THOC5: variants seen among roughly 807,000 people sequenced by gnomAD.
THOC5 encodes THO complex subunit 5, also known as Fms-interacting protein.
THOC5 carries 43 observed loss-of-function variants against 92.9 expected under a neutral mutation model. The observed-to-expected ratio is 0.46, with a 90% CI of 0.36 to 0.60. The LOEUF is 0.60. THOC5 is among the 20% of genes least tolerant of loss of function. THOC5 has a pLI of 0.00. For synonymous variants in THOC5, 296 were observed against 320.1 expected (o/e 0.92, Z 0.80); for missense variants, 659 against 849.4 (o/e 0.78, Z 2.79).
At chr22:29,538,411 A>T (rs750864778) in intron 6 of THOC5, among the ~76,000 whole-genome samples, 1 of 152,234 alleles carries the variant, frequency 6.6e-6, no homozygotes, top group Non-Finnish European at 1.5e-5. Flanking sequence ...GTGTTTACAA[A>T]GCTTTCTGCC....
At chr22:29,518,139 TTC>T (rs2063368435) in intron 15 of THOC5, among the ~76,000 whole-genome samples, 1 of 152,218 alleles carries the variant, frequency 6.6e-6, no homozygotes, top group African/African-American at 2.4e-5. Context: ...GTTCAAGCAA[TTC>T]TCCTGCTTCA....
At chr22:29,521,479 G>C (rs1391737636) in intron 12 of THOC5, among the ~76,000 whole-genome samples, 1 of 152,074 alleles carries the variant, frequency 6.6e-6, no homozygotes, top group Non-Finnish European at 1.5e-5. Flanking sequence ...TACCTCAGGG[G>C]AGCAAAGTCC....
intron 7 of THOC5, among the ~76,000 whole-genome samples, chr22:29,532,454 G>C (rs1250896511): frequency 6.8e-6 from 1 of 146,816 alleles, no homozygotes; most frequent in Non-Finnish European, 1.5e-5. Context: ...ACCTGAGGTC[G>C]GGAGATCAAG....
At chr22:29,524,594 G>A (rs1569216340) in intron 12 of THOC5, among the ~76,000 whole-genome samples, 1 of 152,180 alleles carries the variant, frequency 6.6e-6, no homozygotes, top group South Asian at 2.1e-4. Flanking sequence ...TGAACTGAGA[G>A]CCCTGGACAG....
chr22:29,543,092 C>G, intron 4 of THOC5, 136 bp from the exon 5 acceptor site: 1 of 648,516 alleles, frequency 1.5e-6, no homozygotes, highest in South Asian at 1.9e-5. Context: ...GCCTGTAATC[C>G]CAGCACTTTG....
In THOC5 at chr22:29,517,286, T is replaced by A; in HGVS notation, c.1570A>T (p.Thr524Ser). The A allele has an allele frequency of 6.2e-7, 1 of 1,614,184 alleles. No homozygotes were observed. The change falls in exon 16 of 20, where the codon ACA (threonine) becomes TCA (serine). Residue 524 changes from threonine to serine, a missense_variant. Physicochemically the swap from Thr to Ser is moderately conservative, Grantham distance 58. Coordinates refer to ENST00000490103, the MANE Select transcript of THOC5 (RefSeq NM_003678.5). ...KVVSRLVKWV[T>S]VAHEDYMELH... Reference sequence around the variant, plus strand: ...ACCATGTAATCCTCATGGGCAACTGTCACCCATTTCACCAGGCGAGAGACA... The same window carrying A: ...ACCATGTAATCCTCATGGGCAACTGACACCCATTTCACCAGGCGAGAGACA...
rs200906350 is a variant in THOC5, at chr22:29,511,202, A to G, written c.1892T>C (p.Val631Ala). The G allele has an allele frequency of 6.2e-7, 1 of 1,614,216 alleles. No individual in the cohort carries two copies. Among genetic ancestry groups the G allele is most frequent in the Non-Finnish European group, 8.5e-7 (1 of 1,180,032 alleles). The change falls in exon 19 of 20, where the codon GTG becomes GCG. Residue 631 changes from valine (V) to alanine (A), a missense_variant. Physicochemically the swap from Val to Ala is moderately conservative, Grantham distance 64. Coordinates refer to ENST00000490103, the MANE Select transcript of THOC5 (RefSeq NM_003678.5). ...GGTCTCCAGGTAAACATCCAGCAGC[A>G]CACACAGCCGCTGCAGCTGGTTGGT... Reference protein sequence around the residue: ...LLTNQLQRLCVLLDVYLETES... With the variant: ...LLTNQLQRLCALLDVYLETES...
Position 29,529,187 on chromosome 22 carries a change from C to A in THOC5, c.900G>T (p.Leu300=), listed in dbSNP as rs1891021451. The A allele has an allele frequency of 1.9e-6, 3 of 1,614,098 alleles. No homozygotes were observed. The highest frequency in any genetic ancestry group is 2.7e-5 in the African/African-American group (2 of 74,944). The change falls in exon 9 of 20, where the codon CTG becomes CTT. Residue 300 remains leucine (L), a synonymous_variant. Transcript: ENST00000490103. ...IEGSVDEAKA[L]FKPPEDSQDD... is the part of the protein sequence containing the mutation. Reference sequence around the variant, plus strand: ...CTTGGGAGTCCTCTGGAGGTTTGAACAGAGCCTTGGCTTCATCCACACTGC... The same window carrying A: ...CTTGGGAGTCCTCTGGAGGTTTGAAAAGAGCCTTGGCTTCATCCACACTGC...
At chr22:29,530,452 A>G (rs1280766176) in intron 8 of THOC5, among the ~76,000 whole-genome samples, 1 of 150,360 alleles carries the variant, frequency 6.7e-6, no homozygotes, top group African/African-American at 2.4e-5. Flanking sequence ...CCTGGGAAGC[A>G]GAGGTTGCAG....
chr22:29,552,179 A>C (rs1464928587), intron 1 of THOC5, among the ~76,000 whole-genome samples: 3 of 151,938 alleles, frequency 2.0e-5, no homozygotes, highest in East Asian at 1.9e-4. Flanking sequence ...CCAAAGTGCC[A>C]AGATTGCAGC....
chr22:29,551,239 G>A (rs1022076267), intron 1 of THOC5, among the ~76,000 whole-genome samples: 2 of 152,074 alleles, frequency 1.3e-5, no homozygotes, highest in African/African-American at 4.8e-5. Context: ...TTTGAGACCA[G>A]CCTGGCCAAC....
intron 17 of THOC5, among the ~76,000 whole-genome samples, chr22:29,513,398 A>C (rs916206737): frequency 1.3e-5 from 2 of 149,080 alleles, no homozygotes; most frequent in Admixed American, 6.7e-5. Flanking sequence ...CCCTGTCCCC[A>C]AAAAAGAGTG....
At chr22:29,542,998 G>T in intron 4 of THOC5, 42 bp from the exon 5 acceptor site, 1 of 1,466,534 alleles carries the variant, frequency 6.8e-7, no homozygotes, top group Non-Finnish European at 9.5e-7. Context: ...GGCAAGTCAG[G>T]ATGGAGCAGA....
chr22:29,506,589 C>A lies in THOC5; in HGVS notation c.*1868G>T, dbSNP rs750758686. On this transcript the variant is annotated 3_prime_UTR_variant, in exon 20 of 20. Transcript: ENST00000490103. ...TTGGGAGGCTGAGGCAGGAGGATCACTTGAACCCAGGAGAGGTTGAGGCGG... is the reference window on the plus strand; with the variant it reads ...TTGGGAGGCTGAGGCAGGAGGATCAATTGAACCCAGGAGAGGTTGAGGCGG... 5.9e-5 allele frequency: 9 copies of A among 152,348 alleles called. No homozygotes were observed. Among genetic ancestry groups the A allele is most frequent in the Non-Finnish European group, 1.2e-4 (8 of 68,172 alleles). The allele number at this position is 152,348 out of a possible 1,614,324, so 9.4% of individuals were successfully genotyped here.
chr22:29,548,092 G>C (rs2064062967), intron 2 of THOC5, among the ~76,000 whole-genome samples: 1 of 152,284 alleles, frequency 6.6e-6, no homozygotes, highest in African/African-American at 2.4e-5. Flanking sequence ...GCATGGGAAA[G>C]ACCGGCCCCC....
chr22:29,528,016 C>T, intron 11 of THOC5, 62 bp downstream of exon 11: 2 of 1,545,620 alleles, frequency 1.3e-6, no homozygotes, highest in Non-Finnish European at 8.9e-7. Context: ...ACCCTCTGCA[C>T]CTGCAGCTGG....
In THOC5 at chr22:29,519,046, C is replaced by T. The variant is rs773830031; in HGVS notation, c.1449G>A (p.Val483=). Residue 483 remains valine, a synonymous_variant, in exon 15 of 20, where the codon GTG becomes GTA. Coordinates refer to ENST00000490103, the MANE Select transcript of THOC5 (RefSeq NM_003678.5). The part of the protein sequence containing the change: ...ETTMKLLKTR[V]QSRLALHKQF... ...GTTTGTGGAGGGCCAGGCGGGACTG[C>T]ACCCTGGTCTTCAGAAGTTTCATGG... 1 of 1,610,758 alleles carries T rather than the reference C, an allele frequency of 6.2e-7. No individual in the cohort carries two copies. Among genetic ancestry groups the T allele is most frequent in the East Asian group, 2.2e-5 (1 of 44,754 alleles).
chr22:29,523,680 C>T (rs1279380039), intron 12 of THOC5, among the ~76,000 whole-genome samples: 1 of 151,960 alleles, frequency 6.6e-6, no homozygotes, highest in South Asian at 2.1e-4. Context: ...ATGGCAGGAC[C>T]CTCTGATAAG....
intron 1 of THOC5, 34 bp from the exon 2 acceptor site, chr22:29,549,192 G>A (rs750659113): frequency 1.3e-6 from 2 of 1,595,878 alleles, no homozygotes; most frequent in South Asian, 2.2e-5. Context: ...AGATTCTTCT[G>A]GAGTCATAAC....
Sources: gnomAD v4.1 joint callset for allele counts (sites outside exome capture counted in the v4.1 genomes callset) on GRCh38, gnomAD v4.1.1 for gene constraint, MANE v1.5 for transcripts, NCBI Gene and HGNC (gene_info 2026-07-23, HGNC 2026-07-21) for gene names.